CCND2: variants seen among roughly 807,000 people sequenced by gnomAD.
CCND2 encodes the protein cyclin D2.
In CCND2, 6 loss-of-function variants were observed where a neutral mutation model predicts 30.2. The ratio of observed to expected loss-of-function variants is 0.20; its 90% CI spans 0.11 to 0.39. The LOEUF (loss-of-function observed/expected upper bound fraction) is 0.39. Ranked by LOEUF, CCND2 falls within the 10% of genes least tolerant of loss-of-function variation. The pLI, the probability that CCND2 is intolerant of heterozygous loss-of-function variation, is 1.00. For synonymous variants in CCND2, 150 were observed against 153.1 expected (o/e 0.98, Z 0.15); for missense variants, 235 against 373.4 (o/e 0.63, Z 3.06).
At chr12:4,290,326 CA>C (rs1278830059) in intron 4 of CCND2, among the ~76,000 whole-genome samples, 1 of 152,212 alleles carries the variant, frequency 6.6e-6, no homozygotes, top group Non-Finnish European at 1.5e-5. Context: ...GGGCTCCAAA[CA>C]TACGCTTTTT....
chr12:4,278,696 C>T, intron 2 of CCND2, 64 bp from the exon 3 acceptor site: 1 of 1,563,694 alleles, frequency 6.4e-7, no homozygotes, highest in Non-Finnish European at 8.8e-7. Flanking sequence ...AACCCCCAGC[C>T]CCCTACACCA....
At chr12:4,275,966 C>A in intron 1 of CCND2, 39 bp from the exon 2 acceptor site, 1 of 1,196,548 alleles carries the variant, frequency 8.4e-7, no homozygotes, top group Non-Finnish European at 1.2e-6. Flanking sequence ...GCTATGCTCT[C>A]CACCCCCGCC....
chr12:4,286,496 G>A (rs1864024619), intron 3 of CCND2, among the ~76,000 whole-genome samples: 1 of 152,172 alleles, frequency 6.6e-6, no homozygotes, highest in South Asian at 2.1e-4. Context: ...TGTGTAGCGG[G>A]CAACAGAGGG....
intron 4 of CCND2, among the ~76,000 whole-genome samples, chr12:4,295,512 C>G (rs1000007977): frequency 1.3e-5 from 2 of 152,156 alleles, no homozygotes; most frequent in African/African-American, 4.8e-5. Context: ...TGTGGTGGCT[C>G]ATGTCTGTAA....
At chr12:4,283,676 C>T (rs1006565402) in intron 3 of CCND2, among the ~76,000 whole-genome samples, 8 of 152,236 alleles carry the variant, frequency 5.3e-5, no homozygotes. Context: ...CCTGTGGGTC[C>T]AGCTGGGATT....
chr12:4,280,357 G>A (rs1490660667), intron 3 of CCND2, among the ~76,000 whole-genome samples: 1 of 152,260 alleles, frequency 6.6e-6, no homozygotes, highest in Non-Finnish European at 1.5e-5. Flanking sequence ...AGGCTTGAGT[G>A]TGGAGTCCTC....
rs953931569 is a variant in CCND2, at chr12:4,302,283, C to G, written c.*2274C>G. On this transcript the variant is annotated 3_prime_UTR_variant, in exon 5 of 5. Coordinates refer to ENST00000261254, the MANE Select transcript of CCND2 (RefSeq NM_001759.4). ...GATCCTCCCTCCCCTTCAAGGCAGA[C>G]GTTCAGTACAAACATTTATGCGGTA... 4.3e-6 allele frequency: 1 copy of G among 232,814 alleles called. No homozygotes were observed. Among genetic ancestry groups the G allele is most frequent in the Non-Finnish European group, 8.5e-6 (1 of 117,810 alleles). 14.4% of individuals were successfully genotyped at this position (232,814 alleles called of 1,614,324 possible).
Position 4,282,136 on chromosome 12 carries a change from TGG to T in CCND2, c.571+3219_571+3220del, listed in dbSNP as rs1011201140. Among the ~76,000 whole-genome samples the T allele has an allele frequency of 6.6e-6, 1 of 152,144 alleles. No individual in the cohort carries two copies. The highest frequency in any genetic ancestry group is 1.5e-5 in the Non-Finnish European group (1 of 68,026). On this transcript the variant is annotated intron_variant, in intron 3 of 4. Transcript: ENST00000261254. The surrounding 1 kb of genome is among the most constrained non-coding windows in gnomAD (Gnocchi z 4.3). ...ATGACCTGGGTTCGCACTCTGGCAC[TGG>T]GAGATTGTTGAGATGTGATACCATG...
At chr12:4,278,967 G>C (rs762830031) in intron 3 of CCND2, 48 bp downstream of exon 3, 5 of 1,573,850 alleles carry the variant, frequency 3.2e-6, no homozygotes, top group Non-Finnish European at 4.3e-6. Context: ...GCTCTTTTGG[G>C]AGATGTCCGG....
At chr12:4,294,961 T>C (rs1192791094) in intron 4 of CCND2, among the ~76,000 whole-genome samples, 1 of 152,196 alleles carries the variant, frequency 6.6e-6, no homozygotes, top group Non-Finnish European at 1.5e-5. Flanking sequence ...ATCCCATGCA[T>C]TCTCCTGCCC....
intron 2 of CCND2, among the ~76,000 whole-genome samples, chr12:4,277,103 T>TG (rs987553478): frequency 2.0e-5 from 3 of 152,216 alleles, no homozygotes; most frequent in African/African-American, 7.2e-5. Flanking sequence ...CCTTCCTTTC[T>TG]GGGGCTCTGC....
intron 4 of CCND2, among the ~76,000 whole-genome samples, chr12:4,295,179 G>T (rs184653475): frequency 6.6e-6 from 1 of 152,384 alleles, no homozygotes; most frequent in East Asian, 1.9e-4. Flanking sequence ...GAGAGGCCAA[G>T]TTCTCTTTCC....
At chr12:4,289,821 G>C (rs1227804842) in intron 4 of CCND2, among the ~76,000 whole-genome samples, 5 of 152,220 alleles carry the variant, frequency 3.3e-5, no homozygotes, top group Non-Finnish European at 5.9e-5. Flanking sequence ...TAACCAGCCA[G>C]GAGCGGGGTG....
In CCND2 at chr12:4,299,939, A is replaced by C; in HGVS notation, c.800A>C (p.Asp267Ala). The C allele has an allele frequency of 6.2e-7, 1 of 1,614,172 alleles. No individual in the cohort carries two copies. The highest frequency in any genetic ancestry group is 8.5e-7 in the Non-Finnish European group (1 of 1,180,024). Reference protein sequence around the residue: ...SLQQYRQDQRDGSKSEDELDQ... With the variant: ...SLQQYRQDQRAGSKSEDELDQ... ...CAGCAGTACCGTCAGGACCAACGTG[A>C]CGGATCCAAGTCGGAGGATGAACTG... The change falls in exon 5 of 5, where the codon GAC becomes GCC. Residue 267 changes from aspartate to alanine, a missense_variant. Around this residue, in one of 2 missense-constraint regions of CCND2, gnomAD observed 57 missense variants for 50.7 expected, o/e 1.12. Coordinates refer to ENST00000261254, the MANE Select transcript of CCND2 (RefSeq NM_001759.4). The surrounding 1 kb of genome is among the most constrained non-coding windows in gnomAD (Gnocchi z 5.2).
rs776036883 is a variant in CCND2, at chr12:4,299,951, C to A, written c.812C>A (p.Ser271Ter). The change falls in exon 5 of 5, where the codon TCG becomes TAG. Residue 271 changes from serine (S) to a stop codon, truncating the protein, a stop_gained. Transcript: ENST00000261254. LOFTEE classifies it high-confidence loss of function. The surrounding 1 kb of genome is among the most constrained non-coding windows in gnomAD (Gnocchi z 5.2). ...YRQDQRDGSK[S>*]EDELDQASTP... is the part of the protein sequence containing the mutation. ...CAGGACCAACGTGACGGATCCAAGT[C>A]GGAGGATGAACTGGACCAAGCCAGC... 6 of 1,613,962 alleles carry A rather than the reference C, an allele frequency of 3.7e-6. No individual in the cohort carries two copies. Among genetic ancestry groups the A allele is most frequent in the African/African-American group, 1.3e-5 (1 of 74,886 alleles).
intron 4 of CCND2, chr12:4,298,070 C>T (rs1373559008): frequency 7.1e-5 from 15 of 211,794 alleles, no homozygotes; most frequent in Middle Eastern, 1.4e-3. Context: ...TACATAATCA[C>T]GATCATTTAT....
intron 1 of CCND2, 22 bp from the exon 2 acceptor site, chr12:4,275,983 C>A: frequency 9.2e-6 from 13 of 1,406,062 alleles, no homozygotes; most frequent in African/African-American, 1.4e-5. Flanking sequence ...CGCCCCCCAA[C>A]CCTTTCCCAC....
At chr12:4,280,243 T>C (rs1863930567) in intron 3 of CCND2, among the ~76,000 whole-genome samples, 1 of 152,244 alleles carries the variant, frequency 6.6e-6, no homozygotes. Context: ...CCATCTCCGA[T>C]TTTCACCCTG....
chr12:4,277,465 A>G (rs773465649), intron 2 of CCND2, among the ~76,000 whole-genome samples: 1 of 152,204 alleles, frequency 6.6e-6, no homozygotes, highest in Non-Finnish European at 1.5e-5. Context: ...TTGGGAACCA[A>G]TTTGTTTTTC....
Sources: gnomAD v4.1 joint callset for allele counts (sites outside exome capture counted in the v4.1 genomes callset) on GRCh38, gnomAD v4.1.1 for gene constraint, gnomAD v4.1.1 regional missense constraint, Gnocchi (gnomAD v3.1) non-coding constraint, MANE v1.5 for transcripts, NCBI Gene and HGNC (gene_info 2026-07-23, HGNC 2026-07-21) for gene names.